Variants in CIAPIN1 observed in about 807,000 individuals in gnomAD.
The protein encoded by CIAPIN1 is anamorsin.
CIAPIN1 carries 18 observed loss-of-function variants against 34.3 expected under a neutral mutation model. The observed-to-expected ratio is 0.52, with a 90% CI of 0.36 to 0.78. The LOEUF is 0.78. Among genes scored for constraint, CIAPIN1 ranks in the 30% least tolerant of loss-of-function variants. The pLI is 0.00. For synonymous variants in CIAPIN1, 131 were observed against 140.4 expected (o/e 0.93, Z 0.47); for missense variants, 310 against 372.5 (o/e 0.83, Z 1.38).
chr16:57,445,424 C>T (rs1218060755), intron 1 of CIAPIN1, among the ~76,000 whole-genome samples: 1 of 152,166 alleles, frequency 6.6e-6, no homozygotes, highest in African/African-American at 2.4e-5. Flanking sequence ...GGCAGAATTG[C>T]TTGAACTCAG....
chr16:57,443,629 T>G (rs979176683), intron 1 of CIAPIN1, among the ~76,000 whole-genome samples: 17 of 152,218 alleles, frequency 1.1e-4, no homozygotes, highest in Admixed American at 8.5e-4. Flanking sequence ...GGCTAATTTC[T>G]GTATTTTTAG....
intron 8 of CIAPIN1, among the ~76,000 whole-genome samples, chr16:57,429,756 T>G (rs1020897409): frequency 6.7e-6 from 1 of 149,284 alleles, no homozygotes; most frequent in Non-Finnish European, 1.5e-5. Flanking sequence ...CCTCCCAAAG[T>G]GCTGGGATTA....
chr16:57,436,373 G>A (rs1030732276), intron 4 of CIAPIN1, among the ~76,000 whole-genome samples: 13 of 152,164 alleles, frequency 8.5e-5, no homozygotes, highest in African/African-American at 2.2e-4. Context: ...GACTACAGGC[G>A]TCTGCCACCA....
At chr16:57,432,836 A>G in intron 5 of CIAPIN1, among the ~76,000 whole-genome samples, 1 of 152,342 alleles carries the variant, frequency 6.6e-6, no homozygotes, top group African/African-American at 2.4e-5. Flanking sequence ...TCTGCTGACA[A>G]CCTTATGAGG....
At chr16:57,436,812 C>A in intron 3 of CIAPIN1, 80 bp from the exon 4 acceptor site, 1 of 1,141,170 alleles carries the variant, frequency 8.8e-7, no homozygotes, top group South Asian at 1.3e-5. Flanking sequence ...TATATGGGTT[C>A]GCAGGCATTC....
rs1903057151 is a variant in CIAPIN1 at position 57,430,267 on chromosome 16, A to G, written c.819T>C (p.Ala273=). The G allele has an allele frequency of 6.2e-7, 1 of 1,614,158 alleles. No homozygotes were observed. The highest frequency in any genetic ancestry group is 8.5e-7 in the Non-Finnish European group (1 of 1,179,974). ...REQMSSQPKS[A]CGNCYLGDAF... Reference sequence around the variant, plus strand: ...TGATCCTGATATTTACGTTTCCACAAGCTGACTTGGGTTGGGAGCTCATCT... The same window carrying G: ...TGATCCTGATATTTACGTTTCCACAGGCTGACTTGGGTTGGGAGCTCATCT... The change falls in exon 8 of 9, where the codon GCT becomes GCC. Residue 273 remains alanine, a synonymous_variant. Coordinates refer to ENST00000394391, the MANE Select transcript of CIAPIN1 (RefSeq NM_020313.4).
At chr16:57,437,507 A>T (rs1408452795) in intron 3 of CIAPIN1, among the ~76,000 whole-genome samples, 1 of 147,694 alleles carries the variant, frequency 6.8e-6, no homozygotes, top group Non-Finnish European at 1.5e-5. Flanking sequence ...TTTTAGTGAT[A>T]TTATTTTATT....
chr16:57,434,491 TAC>T lies in CIAPIN1; in HGVS notation c.388-281_388-280del, dbSNP rs574633713. Among the ~76,000 whole-genome samples, 4 of 152,286 alleles carry T rather than the reference TAC, an allele frequency of 2.6e-5. No individual in the cohort carries two copies. The East Asian group carries it at 7.7e-4, about 29-fold the overall frequency. On this transcript the variant is annotated intron_variant, in intron 4 of 8. Coordinates refer to ENST00000394391, the MANE Select transcript of CIAPIN1 (RefSeq NM_020313.4). Reference sequence around the variant, plus strand: ...CATATACTAGTTATTTGGGATGTAATACAATTATGAAAATGAACCAGATGTGG... The same window carrying T: ...CATATACTAGTTATTTGGGATGTAATAATTATGAAAATGAACCAGATGTGG...
intron 2 of CIAPIN1, 40 bp downstream of exon 2, chr16:57,440,732 C>A: frequency 6.4e-7 from 1 of 1,558,150 alleles, no homozygotes; most frequent in South Asian, 1.2e-5. Flanking sequence ...CCCATGGAAA[C>A]CCCTCCAGCC....
intron 6 of CIAPIN1, 102 bp from the exon 7 acceptor site, chr16:57,431,368 A>C (rs552211234): frequency 7.0e-6 from 5 of 711,098 alleles, no homozygotes; most frequent in Admixed American, 4.7e-5. Flanking sequence ...TCCAGGGTAA[A>C]GAAGGTGTCC....
In CIAPIN1 at chr16:57,440,768, T is replaced by G; in HGVS notation, c.157+4A>C. ...TCATAAAGACAACGTGGGTGGGTACTTACATTGCAACAGCTGCTTGATGTT... is the reference window on the plus strand; with the variant it reads ...TCATAAAGACAACGTGGGTGGGTACGTACATTGCAACAGCTGCTTGATGTT... On this transcript the variant is annotated splice_donor_region_variant and intron_variant, in intron 2 of 8. Coordinates refer to ENST00000394391, the MANE Select transcript of CIAPIN1 (RefSeq NM_020313.4). 6.2e-7 allele frequency: 1 copy of G among 1,610,598 alleles called. No homozygotes were observed. Among genetic ancestry groups the G allele is most frequent in the African/African-American group, 1.3e-5 (1 of 74,916 alleles).
intron 4 of CIAPIN1, 76 bp from the exon 5 acceptor site, chr16:57,434,288 T>C: frequency 7.3e-7 from 1 of 1,374,264 alleles, no homozygotes; most frequent in Non-Finnish European, 1.0e-6. Flanking sequence ...TACACAGGAG[T>C]CAAAGACTCA....
intron 6 of CIAPIN1, chr16:57,431,484 G>C (rs1903086147): frequency 2.4e-6 from 1 of 414,710 alleles, no homozygotes; most frequent in Non-Finnish European, 4.4e-6. Flanking sequence ...GGATGCAAAG[G>C]AATTAGAAAC....
chr16:57,439,755 T>G (rs1032554118), intron 2 of CIAPIN1, among the ~76,000 whole-genome samples: 4 of 152,270 alleles, frequency 2.6e-5, no homozygotes, highest in Admixed American at 1.3e-4. Context: ...GTCAATACTC[T>G]TGTGATTTCC....
intron 5 of CIAPIN1, among the ~76,000 whole-genome samples, chr16:57,433,078 T>G (rs1420099601): frequency 1.3e-5 from 2 of 152,222 alleles, no homozygotes; most frequent in African/African-American, 4.8e-5. Context: ...ATAGCAGAGC[T>G]TTAGCCTCAT....
chr16:57,429,577 C>T (rs967486001), intron 8 of CIAPIN1, among the ~76,000 whole-genome samples: 25 of 149,218 alleles, frequency 1.7e-4, no homozygotes, highest in African/African-American at 2.5e-4. Context: ...CTGCAAGCTT[C>T]GCCTCCTGGG....
chr16:57,429,428 G>C, intron 8 of CIAPIN1, 148 bp from the exon 9 acceptor site: 1 of 601,004 alleles, frequency 1.7e-6, no homozygotes, highest in Non-Finnish European at 3.0e-6. Context: ...AATACTAAGA[G>C]TTTTCAAGAT....
At chr16:57,438,454 T>C (rs886687072) in intron 3 of CIAPIN1, among the ~76,000 whole-genome samples, 3 of 152,082 alleles carry the variant, frequency 2.0e-5, no homozygotes, top group East Asian at 1.9e-4. Flanking sequence ...ATTAAGGAGG[T>C]CTTCACTTCG....
chr16:57,437,188 T>C (rs1903222629), intron 3 of CIAPIN1, among the ~76,000 whole-genome samples: 2 of 152,158 alleles, frequency 1.3e-5, no homozygotes, highest in African/African-American at 4.8e-5. Context: ...GTCCTTGACT[T>C]AATGATGGTT....
Sources: gnomAD v4.1 joint callset for allele counts (sites outside exome capture counted in the v4.1 genomes callset) on GRCh38, gnomAD v4.1.1 for gene constraint, MANE v1.5 for transcripts, NCBI Gene and HGNC (gene_info 2026-07-23, HGNC 2026-07-21) for gene names.